Variants in MACROD2 observed in about 807,000 individuals in gnomAD.
The protein encoded by MACROD2 is ADP-ribose glycohydrolase MACROD2.
MACROD2 carries 36 observed loss-of-function variants against 70.4 expected under a neutral mutation model. The observed-to-expected ratio is 0.51, with a 90% CI of 0.39 to 0.68. The LOEUF (loss-of-function observed/expected upper bound fraction) is 0.68, where lower values mean the gene tolerates loss of function less well. MACROD2 is among the 30% of genes least tolerant of loss of function. MACROD2 has a pLI of 0.00. For missense variants in MACROD2, 496 were observed against 538.4 expected, an observed-to-expected ratio of 0.92 and a Z score of 0.78; for synonymous variants, 172 against 178.8, an observed-to-expected ratio of 0.96 and a Z score of 0.30.
chr20:14,539,135 TTCTC>T (rs2085401336), intron 4 of MACROD2, among the ~76,000 whole-genome samples: 1 of 152,224 alleles, frequency 6.6e-6, no homozygotes, highest in Admixed American at 6.6e-5. Flanking sequence ...ATCAAGACCT[TTCTC>T]TGTCCAGCTT....
chr20:15,051,101 A>G (rs1335222560), intron 5 of MACROD2, among the ~76,000 whole-genome samples: 1 of 149,556 alleles, frequency 6.7e-6, no homozygotes, highest in Non-Finnish European at 1.5e-5. Flanking sequence ...AAAACCTGCC[A>G]AGAGAACCCA....
Position 15,014,972 on chromosome 20 carries a change from G to A in MACROD2, c.419-214968G>A, listed in dbSNP as rs146073964. 2.9e-3 allele frequency among the ~76,000 whole-genome samples: 438 copies of A among 152,092 alleles called. 3 individuals carry two copies. Among genetic ancestry groups the A allele is most frequent in the African/African-American group, 0.01 (419 of 41,486 alleles). ...TGTATAATGTGGTCTCTTCAAAAGC[G>A]AGACCAGCACCTATTCGTTTTTAAG... is the stretch of plus-strand genomic sequence containing the variant. On this transcript the variant is annotated intron_variant, in intron 5 of 17. Coordinates refer to ENST00000684519, the MANE Select transcript of MACROD2 (RefSeq NM_001351661.2).
intron 6 of MACROD2, among the ~76,000 whole-genome samples, chr20:15,331,833 A>G (rs1056853425): frequency 3.3e-5 from 5 of 151,360 alleles, no homozygotes; most frequent in Non-Finnish European, 5.9e-5. Flanking sequence ...CACACATAAA[A>G]CTTCTCTAGG....
At chr20:14,189,359 C>A (rs1167594879) in intron 3 of MACROD2, among the ~76,000 whole-genome samples, 1 of 152,054 alleles carries the variant, frequency 6.6e-6, no homozygotes, top group Non-Finnish European at 1.5e-5. Context: ...AAAAATATTG[C>A]TTTTTCAAAA....
chr20:14,667,358 A>C lies in MACROD2; in HGVS notation c.302-17485A>C, dbSNP rs143730937. ...TAAGGAAGCTCAGACATGTCTTGAA[A>C]GGAACTGAAGTATTGCATTTAGTCT... On this transcript the variant is annotated intron_variant, in intron 4 of 17. Transcript: ENST00000684519. Among the ~76,000 whole-genome samples, 487 of 152,312 alleles carry C rather than the reference A, an allele frequency of 3.2e-3. 5 individuals are homozygous for C. Among genetic ancestry groups the C allele is most frequent in the African/African-American group, 0.011 (460 of 41,568 alleles).
intron 3 of MACROD2, among the ~76,000 whole-genome samples, chr20:14,425,755 C>G (rs1426968945): frequency 7.2e-5 from 11 of 152,116 alleles, no homozygotes; most frequent in Admixed American, 7.2e-4. Flanking sequence ...CCTGGGGACT[C>G]TTCGCATCTT....
rs1404729662 is a variant in MACROD2 at position 13,995,550 on chromosome 20, C to T, written c.-214C>T. On this transcript the variant is annotated 5_prime_UTR_variant, in exon 1 of 18. Transcript: ENST00000684519. The surrounding 1 kb of genome is among the most constrained non-coding windows in gnomAD (Gnocchi z 4.3). ...TGAGGTGCTGCTGTGGCGGCGTCCG[C>T]GGGGCTGAGGCGGGTGGGAGCCGGA... 8 of 639,248 alleles carry T rather than the reference C, an allele frequency of 1.3e-5. No homozygotes were observed. Among genetic ancestry groups the T allele is most frequent in the East Asian group, 8.3e-5 (3 of 35,950 alleles). 39.6% of individuals were successfully genotyped at this position (639,248 alleles called of 1,614,324 possible).
chr20:14,266,546 A>T (rs764219859), intron 3 of MACROD2, among the ~76,000 whole-genome samples: 2 of 152,210 alleles, frequency 1.3e-5, no homozygotes, highest in Non-Finnish European at 2.9e-5. Flanking sequence ...ATCTAGCAAC[A>T]TCATCTTCAT....
intron 8 of MACROD2, among the ~76,000 whole-genome samples, chr20:15,641,844 TTCTTCCACATATCCTTC>T (rs1401571369): frequency 2.0e-5 from 3 of 152,214 alleles, no homozygotes; most frequent in African/African-American, 7.2e-5. Flanking sequence ...AAATGAAAAT[TTCTTCCACATATCCTTC>T]TCTTGCCAAA....
At chr20:15,541,578 G>A (rs1475705767) in intron 8 of MACROD2, among the ~76,000 whole-genome samples, 1 of 152,108 alleles carries the variant, frequency 6.6e-6, no homozygotes, top group African/African-American at 2.4e-5. Context: ...GCAGCATCTG[G>A]TTTGATATTG....
At chr20:15,601,837 G>C (rs1216338026) in intron 8 of MACROD2, among the ~76,000 whole-genome samples, 10 of 152,062 alleles carry the variant, frequency 6.6e-5, no homozygotes, top group Admixed American at 5.9e-4. Flanking sequence ...GACCATCCTG[G>C]CTAACACAGT....
intron 8 of MACROD2, among the ~76,000 whole-genome samples, chr20:15,730,013 A>G (rs1033287180): frequency 7.9e-5 from 12 of 151,958 alleles, no homozygotes; most frequent in African/African-American, 2.4e-4. Context: ...TTTTCAGTAG[A>G]GATGGGGTTT....
chr20:14,660,527 A>T (rs914721425), intron 4 of MACROD2, among the ~76,000 whole-genome samples: 3 of 152,230 alleles, frequency 2.0e-5, no homozygotes, highest in Non-Finnish European at 2.9e-5. Context: ...ATTTTTCTAA[A>T]TTTTTTTGCA....
chr20:15,033,803 C>G (rs1185726060), intron 5 of MACROD2, among the ~76,000 whole-genome samples: 1 of 152,154 alleles, frequency 6.6e-6, no homozygotes, highest in Non-Finnish European at 1.5e-5. Context: ...AAGTTTCACA[C>G]AAATTGCAAT....
intron 8 of MACROD2, among the ~76,000 whole-genome samples, chr20:15,847,820 T>C (rs1225176914): frequency 6.6e-6 from 1 of 152,210 alleles, no homozygotes; most frequent in East Asian, 1.9e-4. Flanking sequence ...TCTTCTCTTC[T>C]TTCTTTTTAT....
chr20:14,757,874 C>T, intron 5 of MACROD2: 1 of 1,474,886 alleles, frequency 6.8e-7, no homozygotes, highest in South Asian at 1.1e-5. Flanking sequence ...CAGGCCTCGG[C>T]CTAAAGGTCT....
intron 5 of MACROD2, among the ~76,000 whole-genome samples, chr20:14,696,533 G>C (rs1261040845): frequency 6.6e-6 from 1 of 152,042 alleles, no homozygotes. Flanking sequence ...TTATTTTTCA[G>C]AACTACCGAG....
intron 7 of MACROD2, among the ~76,000 whole-genome samples, chr20:15,482,412 A>C (rs1025490473): frequency 2.6e-5 from 4 of 152,184 alleles, no homozygotes; most frequent in Non-Finnish European, 5.9e-5. Context: ...TAGAATGGCC[A>C]AAATCCAAAA....
chr20:14,275,408 T>C (rs1601425055), intron 3 of MACROD2, among the ~76,000 whole-genome samples: 1 of 151,872 alleles, frequency 6.6e-6, no homozygotes, highest in African/African-American at 2.4e-5. Flanking sequence ...TAAATGGTGC[T>C]GGGAAAACTG....
Sources: gnomAD v4.1 joint callset for allele counts (sites outside exome capture counted in the v4.1 genomes callset) on GRCh38, gnomAD v4.1.1 for gene constraint, Gnocchi (gnomAD v3.1) non-coding constraint, MANE v1.5 for transcripts, NCBI Gene and HGNC (gene_info 2026-07-23, HGNC 2026-07-21) for gene names.